HEMK2: variants seen among roughly 807,000 people sequenced by gnomAD.
HEMK2 encodes methyltransferase HEMK2.
chr21:28,597,880 G>C, the HEMK2 span, among the ~76,000 whole-genome samples: 2 of 152,136 alleles, frequency 1.3e-5, no homozygotes, highest in Non-Finnish European at 2.9e-5. Flanking sequence ...GGAAGTATGA[G>C]TTCAGATAAA....
the HEMK2 span, among the ~76,000 whole-genome samples, chr21:28,841,262 A>AATATATATTATATATT: frequency 1.9e-4 from 1 of 5,138 alleles, no homozygotes; most frequent in African/African-American, 1.5e-3. Flanking sequence ...TATTATATAT[A>AATATATATTATATATT]ATATATATTA....
chr21:28,794,748 T>C, the HEMK2 span, among the ~76,000 whole-genome samples: 1 of 152,218 alleles, frequency 6.6e-6, no homozygotes, highest in African/African-American at 2.4e-5. Context: ...TGAAGAACAA[T>C]GGGACTGGGC....
chr21:28,749,265 T>C, the HEMK2 span, among the ~76,000 whole-genome samples: 1 of 152,222 alleles, frequency 6.6e-6, no homozygotes, highest in Admixed American at 6.5e-5. Flanking sequence ...TATACATATA[T>C]GTCTTTATAA....
At chr21:28,596,796 T>A in the HEMK2 span, among the ~76,000 whole-genome samples, 1 of 152,204 alleles carries the variant, frequency 6.6e-6, no homozygotes, top group African/African-American at 2.4e-5. Context: ...AATCATTATA[T>A]ATTACTGGGA....
At chr21:28,622,119 G>T in the HEMK2 span, among the ~76,000 whole-genome samples, 1 of 151,966 alleles carries the variant, frequency 6.6e-6, no homozygotes, top group Non-Finnish European at 1.5e-5. Flanking sequence ...CTAATAAGCA[G>T]CTTCAGCAAA....
the HEMK2 span, among the ~76,000 whole-genome samples, chr21:28,830,606 C>A: frequency 6.6e-6 from 1 of 152,114 alleles, no homozygotes; most frequent in South Asian, 2.1e-4. Context: ...AGGCCAGGCG[C>A]GTGGCTCACG....
chr21:28,704,971 G>A, the HEMK2 span, among the ~76,000 whole-genome samples: 1 of 152,068 alleles, frequency 6.6e-6, no homozygotes, highest in Non-Finnish European at 1.5e-5. Context: ...TTTTACATTC[G>A]GAGTAACGGC....
At chr21:28,681,622 G>A in the HEMK2 span, among the ~76,000 whole-genome samples, 1 of 152,168 alleles carries the variant, frequency 6.6e-6, no homozygotes, top group Admixed American at 6.5e-5. Flanking sequence ...AACAAAGCTG[G>A]AGGCATCACG....
At chr21:28,608,675 C>T in the HEMK2 span, among the ~76,000 whole-genome samples, 3 of 152,166 alleles carry the variant, frequency 2.0e-5, no homozygotes, top group Non-Finnish European at 2.9e-5. Context: ...CAGCCATGCT[C>T]GCCGGCTGCC....
At chr21:28,581,102 T>G in the HEMK2 span, among the ~76,000 whole-genome samples, 1 of 152,198 alleles carries the variant, frequency 6.6e-6, no homozygotes, top group East Asian at 1.9e-4. Flanking sequence ...GAAGGCCCTT[T>G]TGTCAAGCAG....
the HEMK2 span, among the ~76,000 whole-genome samples, chr21:28,838,961 AAAAAAAAAAAAATATATATATAT>A: frequency 1.4e-5 from 1 of 71,248 alleles, no homozygotes; most frequent in African/African-American, 6.2e-5. Flanking sequence ...AAAAAAAAAA[AAAAAAAAAAAAATATATATATAT>A]ATATATATAT....
the HEMK2 span, among the ~76,000 whole-genome samples, chr21:28,817,101 G>A: frequency 6.6e-6 from 1 of 152,166 alleles, no homozygotes; most frequent in Non-Finnish European, 1.5e-5. Context: ...ATTATAAACT[G>A]ATGAATGAAA....
At chr21:28,673,932 A>C in the HEMK2 span, among the ~76,000 whole-genome samples, 1 of 152,252 alleles carries the variant, frequency 6.6e-6, no homozygotes. Context: ...GAACCAGAGC[A>C]ACTCCATCTT....
At chr21:28,683,520 T>C in the HEMK2 span, among the ~76,000 whole-genome samples, 1 of 152,196 alleles carries the variant, frequency 6.6e-6, no homozygotes, top group Non-Finnish European at 1.5e-5. Context: ...AATTTTATCT[T>C]TCACAAATGC....
the HEMK2 span, among the ~76,000 whole-genome samples, chr21:28,783,360 A>G: frequency 6.6e-6 from 1 of 151,536 alleles, no homozygotes; most frequent in Non-Finnish European, 1.5e-5. Context: ...AATTTTTGTA[A>G]TTTTCGTAGA....
chr21:28,817,655 G>C, the HEMK2 span, among the ~76,000 whole-genome samples: 1 of 152,238 alleles, frequency 6.6e-6, no homozygotes, highest in Admixed American at 6.5e-5. Context: ...CTTGAGAGTA[G>C]TAATTATACC....
chr21:28,707,303 T>A, the HEMK2 span, among the ~76,000 whole-genome samples: 1 of 151,174 alleles, frequency 6.6e-6, no homozygotes, highest in Non-Finnish European at 1.5e-5. Context: ...TCACCCAGTG[T>A]GGAGTACGGT....
chr21:28,593,238 T>C, the HEMK2 span, among the ~76,000 whole-genome samples: 1 of 152,242 alleles, frequency 6.6e-6, no homozygotes, highest in African/African-American at 2.4e-5. Context: ...TTCAGGCTAT[T>C]TGTATAAGGT....
the HEMK2 span, among the ~76,000 whole-genome samples, chr21:28,831,450 G>GAAAGAAAGAAAGAAAGAAAAGAAAAGA: frequency 1.2e-4 from 9 of 75,024 alleles, no homozygotes; most frequent in Admixed American, 1.8e-4. Context: ...ATCTCAAAAA[G>GAAAGAAAGAAAGAAAGAAAAGAAAAGA]AAAGAAAAGA....
Sources: gnomAD v4.1 joint callset for allele counts (sites outside exome capture counted in the v4.1 genomes callset) on GRCh38, gnomAD v4.1.1 for gene constraint, MANE v1.5 for transcripts, NCBI Gene and HGNC (gene_info 2026-07-23, HGNC 2026-07-21) for gene names.